ACTN1: variants seen among roughly 807,000 people sequenced by gnomAD.
ACTN1 encodes the protein alpha-actinin-1.
In ACTN1, 30 loss-of-function variants were observed where a neutral mutation model predicts 119.6. The observed-to-expected ratio is 0.25, with a 90% CI of 0.19 to 0.34. The LOEUF (loss-of-function observed/expected upper bound fraction) is 0.34. ACTN1 is among the 10% of genes least tolerant of loss of function. The pLI is 1.00. For missense variants in ACTN1, 764 were observed against 1,223.4 expected (o/e 0.62, Z 5.60); for synonymous variants, 429 against 472.6 (o/e 0.91, Z 1.20).
chr14:68,973,374 G>A (rs554914461), intron 1 of ACTN1, among the ~76,000 whole-genome samples: 2 of 152,178 alleles, frequency 1.3e-5, no homozygotes, highest in Non-Finnish European at 2.9e-5. Context: ...TGCTGTTCTC[G>A]TGAGAGTGAG....
At chr14:68,943,373 G>A (rs1329091138) in intron 1 of ACTN1, among the ~76,000 whole-genome samples, 2 of 152,184 alleles carry the variant, frequency 1.3e-5, no homozygotes, top group Non-Finnish European at 2.9e-5. Flanking sequence ...AGGGCAGGAC[G>A]GGACAAGGGG....
chr14:68,916,902 G>A (rs1319442446), intron 3 of ACTN1, among the ~76,000 whole-genome samples: 1 of 152,096 alleles, frequency 6.6e-6, no homozygotes, highest in African/African-American at 2.4e-5. Flanking sequence ...AATGAATGCT[G>A]CAGAAATTCC....
Position 68,909,224 on chromosome 14 carries a change from G to A in ACTN1, c.594+94C>T. ...TAAGAGGCCAACACTGCTCAGGCTG[G>A]ACCATGGACTGTCACAACAAGGGTC... On this transcript the variant is annotated intron_variant, in intron 6 of 21. Coordinates refer to ENST00000394419, the MANE Select transcript of ACTN1 (RefSeq NM_001130004.2). The surrounding 1 kb of genome is among the most constrained non-coding windows in gnomAD (Gnocchi z 4.1). The A allele has an allele frequency of 7.9e-7, 1 of 1,264,012 alleles. No individual in the cohort carries two copies. Among genetic ancestry groups the A allele is most frequent in the South Asian group, 1.2e-5 (1 of 82,150 alleles). 78.3% of individuals were successfully genotyped at this position (1,264,012 alleles called of 1,614,324 possible).
Position 68,890,152 on chromosome 14 carries a change from C to T in ACTN1, c.1221G>A (p.Glu407=). The T allele has an allele frequency of 6.2e-7, 1 of 1,613,832 alleles. No individual in the cohort carries two copies. Among genetic ancestry groups the T allele is most frequent in the Non-Finnish European group, 8.5e-7 (1 of 1,179,886 alleles). The change falls in exon 11 of 22, where the codon GAG becomes GAA. Residue 407 remains glutamate (E), a synonymous_variant. Transcript: ENST00000394419. ...EKFRQKASIH[E]AWTDGKEAML... ...GGCTGGCCTCACCGTCAGTCCAGGC[C>T]TCGTGGATGGAGGCCTTCTGCCGGA... is the stretch of plus-strand genomic sequence containing the variant.
chr14:68,975,446 G>A (rs1446224060), intron 1 of ACTN1, among the ~76,000 whole-genome samples: 2 of 152,172 alleles, frequency 1.3e-5, no homozygotes, highest in African/African-American at 4.8e-5. Context: ...TTTTTTATAA[G>A]TAGGGAATTG....
chr14:68,938,082 G>T (rs1311779423), intron 1 of ACTN1, among the ~76,000 whole-genome samples: 2 of 152,218 alleles, frequency 1.3e-5, no homozygotes, highest in African/African-American at 4.8e-5. Context: ...GATGCCCAGT[G>T]TTCTGGCATG....
chr14:68,977,251 C>T (rs941528029), intron 1 of ACTN1: 1 of 152,258 alleles, frequency 6.6e-6, no homozygotes, highest in African/African-American at 2.4e-5. Flanking sequence ...GAGCCTTCTG[C>T]CTGGTGCCCC....
At position 68,934,239 on chromosome 14, in the gene ACTN1, C is replaced by T. The variant is rs1594839492; in HGVS notation, c.106-8567G>A. 3.9e-5 allele frequency among the ~76,000 whole-genome samples: 6 copies of T among 152,360 alleles called. No homozygotes were observed. The South Asian group carries it at 1.2e-3, about 32-fold the overall frequency. On this transcript the variant is annotated intron_variant, in intron 1 of 21. Transcript: ENST00000394419. ...ACAGCTGTGCCTACCACAGTTAACACTCCTGACAGGTCTTGGGGACATCAG... is the reference window on the plus strand; with the variant it reads ...ACAGCTGTGCCTACCACAGTTAACATTCCTGACAGGTCTTGGGGACATCAG...
chr14:68,903,151 A>G (rs1033925271), intron 7 of ACTN1, among the ~76,000 whole-genome samples: 1 of 152,242 alleles, frequency 6.6e-6, no homozygotes, highest in Non-Finnish European at 1.5e-5. Flanking sequence ...AGAAAAACAC[A>G]AAGTGTGGCA....
At chr14:68,945,176 AAGAAAG>A (rs1429550407) in intron 1 of ACTN1, among the ~76,000 whole-genome samples, 32 of 148,186 alleles carry the variant, frequency 2.2e-4, no homozygotes, top group Middle Eastern at 3.5e-3. Context: ...AAAAAAAAAA[AAGAAAG>A]AAAGAAAGAA....
intron 1 of ACTN1, among the ~76,000 whole-genome samples, chr14:68,975,783 G>A (rs541153056): frequency 2.0e-5 from 3 of 152,288 alleles, no homozygotes; most frequent in African/African-American, 4.8e-5. Context: ...GAGGCATGGC[G>A]ACCAGCCCAT....
At chr14:68,898,965 ACACAC>A (rs1376936825) in intron 8 of ACTN1, among the ~76,000 whole-genome samples, 4 of 145,180 alleles carry the variant, frequency 2.8e-5, no homozygotes, top group African/African-American at 1.0e-4. Flanking sequence ...CTCCACACAC[ACACAC>A]CACACACGCC....
rs1594895007 is a variant in ACTN1, at chr14:68,978,671, G to T, written c.105+281C>A. 1.2e-5 allele frequency: 4 copies of T among 320,602 alleles called. No homozygotes were observed. The South Asian group carries it at 2.1e-4, about 17-fold the overall frequency. 19.9% of individuals were successfully genotyped at this position (320,602 alleles called of 1,614,324 possible). A position where few individuals can be genotyped will look rare whatever the true frequency, so the allele number is the denominator to read the frequency against. On this transcript the variant is annotated intron_variant, in intron 1 of 21. Transcript: ENST00000394419. ...CGCGGGGATGGTTGCAACAGCCGCA[G>T]GGTGGCCTGGACCACGGACCCCCAA...
chr14:68,969,516 G>C (rs1011975694), intron 1 of ACTN1, among the ~76,000 whole-genome samples: 1 of 152,212 alleles, frequency 6.6e-6, no homozygotes, highest in Non-Finnish European at 1.5e-5. Context: ...GGATGTCTGC[G>C]GAGTTTAAAA....
At chr14:68,893,534 C>G in intron 9 of ACTN1, 121 bp downstream of exon 9, 1 of 945,476 alleles carries the variant, frequency 1.1e-6, no homozygotes, top group Non-Finnish European at 1.6e-6. Flanking sequence ...CCTGGACTAG[C>G]AGTATTGGGA....
chr14:68,955,423 G>A (rs988385472), intron 1 of ACTN1, among the ~76,000 whole-genome samples: 8 of 152,168 alleles, frequency 5.3e-5, no homozygotes, highest in South Asian at 4.1e-4. Context: ...CTACTGTCAC[G>A]CGGTTTGAAA....
chr14:68,937,689 G>A (rs1422563585), intron 1 of ACTN1, among the ~76,000 whole-genome samples: 1 of 152,192 alleles, frequency 6.6e-6, no homozygotes. Flanking sequence ...TCCTGAAAAT[G>A]GTACACAGCT....
Position 68,885,357 on chromosome 14 carries a change from C to A in ACTN1, c.1385+68G>T. 2.0e-6 allele frequency: 3 copies of A among 1,493,848 alleles called. No individual in the cohort carries two copies. The highest frequency in any genetic ancestry group is 1.8e-6 in the Non-Finnish European group (2 of 1,111,400). The allele number at this position is 1,493,848 out of a possible 1,614,324, so 92.5% of individuals were successfully genotyped here. On this transcript the variant is annotated intron_variant, in intron 12 of 21. Coordinates refer to ENST00000394419, the MANE Select transcript of ACTN1 (RefSeq NM_001130004.2). This position sits in a 1 kb window ranked among gnomAD's most constrained non-coding sequence, Gnocchi z 5.6. Reference sequence around the variant, plus strand: ...ATCTTCCACGGCCACACCCCCACCTCCCCCAGCAGCTGAGAAAGCCCAGCC... The same window carrying A: ...ATCTTCCACGGCCACACCCCCACCTACCCCAGCAGCTGAGAAAGCCCAGCC...
chr14:68,877,523 C>T, intron 20 of ACTN1: 1 of 431,644 alleles, frequency 2.3e-6, no homozygotes, highest in South Asian at 3.5e-5. Flanking sequence ...CAATGGCTGA[C>T]ACCTATGTAG....
Sources: allele counts gnomAD v4.1 joint callset (sites outside exome capture counted in the v4.1 genomes callset), GRCh38; gene constraint gnomAD v4.1.1; non-coding constraint Gnocchi (gnomAD v3.1); transcripts MANE v1.5; gene names NCBI Gene and HGNC (gene_info 2026-07-23, HGNC 2026-07-21).